Variants in SRCIN1 observed in about 807,000 individuals in gnomAD.
SRCIN1 encodes P130Cas-associated protein.
SRCIN1 carries 50 observed loss-of-function variants against 116.2 expected under a neutral mutation model. The ratio of observed to expected loss-of-function variants is 0.43; its 90% CI spans 0.34 to 0.54. SRCIN1 has a LOEUF of 0.54. SRCIN1 is among the 20% of genes least tolerant of loss of function. SRCIN1 has a pLI of 0.02. For synonymous variants in SRCIN1, 736 were observed against 750.0 expected, an observed-to-expected ratio of 0.98 and a Z score of 0.30; for missense variants, 1,446 against 1,672.0, an observed-to-expected ratio of 0.86 and a Z score of 2.36.
rs1905480912 is a variant in SRCIN1, at chr17:38,552,355, T to G, written c.2480+92A>C. ...AGTCCAGTCGGCACGCCAGTGACCT[T>G]TGGGGGAGTTGGGGTAAGGGTTCAG... On this transcript the variant is annotated intron_variant, in intron 13 of 18. Coordinates refer to ENST00000617146, the MANE Select transcript of SRCIN1 (RefSeq NM_025248.3). This position sits in a 1 kb window ranked among gnomAD's most constrained non-coding sequence, Gnocchi z 5.3. 8.8e-6 allele frequency: 13 copies of G among 1,483,594 alleles called. No homozygotes were observed. In the South Asian group the frequency reaches 1.4e-4, roughly 15 times the overall value. The allele number at this position is 1,483,594 out of a possible 1,614,324, so 91.9% of individuals were successfully genotyped here.
intron 1 of SRCIN1, among the ~76,000 whole-genome samples, chr17:38,593,029 C>T (rs1223566394): frequency 6.6e-6 from 1 of 152,092 alleles, no homozygotes. Context: ...GTTTGCTGCC[C>T]CCACAAGCAA....
At position 38,583,188 on chromosome 17, in the gene SRCIN1, T is replaced by C. The variant is rs556465159; in HGVS notation, c.23-4397A>G. Among the ~76,000 whole-genome samples, 305 of 152,248 alleles carry C rather than the reference T, an allele frequency of 2.0e-3. 3 individuals carry two copies. The highest frequency in any genetic ancestry group is 7.2e-3 in the African/African-American group (297 of 41,538). The stretch of plus-strand genomic sequence containing the variant: ...CTCAAGCTAGCCTCCAGCCTCAGTC[T>C]CTTGAGTAGCTGGGACCACAGGCAC... On this transcript the variant is annotated intron_variant, in intron 1 of 18. Transcript: ENST00000617146.
Position 38,533,384 on chromosome 17 carries a change from G to A in SRCIN1, c.3465C>T (p.Ser1155=). Reference sequence around the variant, plus strand: ...AAGCCGAGGGCTTTTCTGAGACTGGGCTCGAGGTCTCATTCGACCCGCTCA... The same window carrying A: ...AAGCCGAGGGCTTTTCTGAGACTGGACTCGAGGTCTCATTCGACCCGCTCA... ...KEMSGSNETS[S]PVSEKPSASR... The change falls in exon 19 of 19, where the codon AGC becomes AGT. Residue 1155 remains serine (S), a synonymous_variant. Transcript: ENST00000617146. The A allele has an allele frequency of 6.2e-7, 1 of 1,612,056 alleles. No individual in the cohort carries two copies. Among genetic ancestry groups the A allele is most frequent in the South Asian group, 1.1e-5 (1 of 90,398 alleles).
At chr17:38,605,583 C>A in intron 1 of SRCIN1, 101 bp downstream of exon 1, 1 of 978,912 alleles carries the variant, frequency 1.0e-6, no homozygotes, top group Non-Finnish European at 1.4e-6. Flanking sequence ...GCCCGGCCGC[C>A]GCCCCCGCCC....
At chr17:38,559,857 C>T in intron 9 of SRCIN1, 85 bp from the exon 10 acceptor site, 1 of 1,437,390 alleles carries the variant, frequency 7.0e-7, no homozygotes, top group Non-Finnish European at 9.3e-7. Flanking sequence ...TCCCTACTCT[C>T]CGACCCCACA....
chr17:38,550,268 G>T (rs1293646576), intron 15 of SRCIN1, among the ~76,000 whole-genome samples: 1 of 152,170 alleles, frequency 6.6e-6, no homozygotes, highest in African/African-American at 2.4e-5. Flanking sequence ...GCCAAGGTGG[G>T]CGGATCACGA....
intron 18 of SRCIN1, among the ~76,000 whole-genome samples, chr17:38,538,293 T>C (rs1904514295): frequency 6.7e-6 from 1 of 149,462 alleles, no homozygotes; most frequent in Non-Finnish European, 1.5e-5. Flanking sequence ...TGTGGGCACC[T>C]GTAATCCCAG....
At chr17:38,549,733 C>T (rs1360838614) in intron 15 of SRCIN1, among the ~76,000 whole-genome samples, 2 of 152,204 alleles carry the variant, frequency 1.3e-5, no homozygotes, top group Admixed American at 1.3e-4. Flanking sequence ...GTCACTCTAG[C>T]CATTCCCCTG....
chr17:38,606,714 C>T (rs1290971398), upstream of SRCIN1, among the ~76,000 whole-genome samples: 3 of 152,238 alleles, frequency 2.0e-5, no homozygotes, highest in Non-Finnish European at 4.4e-5. The surrounding 1 kb of genome is among the most constrained non-coding windows in gnomAD (Gnocchi z 5.2). Flanking sequence ...AGCTCGGCTC[C>T]ACCCTGCCGT....
At chr17:38,537,573 T>G in intron 18 of SRCIN1, among the ~76,000 whole-genome samples, 1 of 148,164 alleles carries the variant, frequency 6.7e-6, no homozygotes, top group East Asian at 2.0e-4. Context: ...GGGCGGATCA[T>G]GAGGTCAGGA....
intron 11 of SRCIN1, among the ~76,000 whole-genome samples, chr17:38,554,329 T>G (rs563536825): frequency 1.3e-5 from 2 of 152,302 alleles, no homozygotes; most frequent in African/African-American, 4.8e-5. Context: ...TTGTTTTCCG[T>G]GCTGCTGTAA....
chr17:38,576,151 C>A (rs1311369840), intron 2 of SRCIN1, among the ~76,000 whole-genome samples: 1 of 152,108 alleles, frequency 6.6e-6, no homozygotes, highest in Non-Finnish European at 1.5e-5. Flanking sequence ...CCCCTGGAAG[C>A]TCCACCCAGC....
chr17:38,541,837 C>G (rs1017410982), intron 18 of SRCIN1: 3 of 152,548 alleles, frequency 2.0e-5, no homozygotes, highest in Non-Finnish European at 4.4e-5. Context: ...GTAGTCTCAG[C>G]TGCTCGGGAG....
Position 38,533,102 on chromosome 17 carries a change from A to T in SRCIN1, c.*195T>A. On this transcript the variant is annotated 3_prime_UTR_variant, in exon 19 of 19. Coordinates refer to ENST00000617146, the MANE Select transcript of SRCIN1 (RefSeq NM_025248.3). The stretch of plus-strand genomic sequence containing the variant: ...TAATTAAAAGTTAATTGTTAAAAAA[A>T]AAAAAAAAAACAAAACCAAAAACAC... 1 of 420,792 alleles carries T rather than the reference A, an allele frequency of 2.4e-6. No individual in the cohort carries two copies. Among genetic ancestry groups the T allele is most frequent in the Non-Finnish European group, 3.8e-6 (1 of 265,060 alleles). 26.1% of individuals were successfully genotyped at this position (420,792 alleles called of 1,614,324 possible). A position where few individuals can be genotyped will look rare whatever the true frequency, so the allele number is the denominator to read the frequency against.
Position 38,561,722 on chromosome 17 carries a change from C to A in SRCIN1, c.1441G>T (p.Val481Leu). ...GGGGGACCTCCGGGGGGTGCTGCCA[C>A]GTCGGCCAGCTTCTGCGGTGACGAA... ...PPSSPQKLAD[V>L]AAPPGGPPPP... Residue 481 changes from valine to leucine, a missense_variant, in exon 7 of 19, where the codon GTG becomes TTG. Val to Leu is a conservative substitution (Grantham distance 32). This residue lies in a region of SRCIN1 where 398 missense variants were observed against 385.6 expected (regional missense o/e 1.03). Coordinates refer to ENST00000617146, the MANE Select transcript of SRCIN1 (RefSeq NM_025248.3). 4 of 1,527,070 alleles carry A rather than the reference C, an allele frequency of 2.6e-6. No individual in the cohort carries two copies. The highest frequency in any genetic ancestry group is 3.5e-6 in the Non-Finnish European group (4 of 1,143,170). 94.6% of individuals were successfully genotyped at this position (1,527,070 alleles called of 1,614,324 possible).
intron 1 of SRCIN1, among the ~76,000 whole-genome samples, chr17:38,596,609 T>C (rs1204294141): frequency 6.6e-6 from 1 of 152,080 alleles, no homozygotes; most frequent in Non-Finnish European, 1.5e-5. Context: ...GGAAGGTTGA[T>C]GGGTTCAGGG....
chr17:38,557,821 G>A (rs149973865), intron 11 of SRCIN1, among the ~76,000 whole-genome samples: 246 of 152,346 alleles, frequency 1.6e-3, no homozygotes, highest in South Asian at 3.3e-3. Context: ...CCAGGCTGGA[G>A]CAGTGACGGC....
Position 38,544,083 on chromosome 17 carries a change from A to G in SRCIN1, c.3271-114T>C, listed in dbSNP as rs952780116. ...GGGACCTCCTCAGTGGGGCCCTTTG[A>G]GACCTGGAGACCCCTCTCTAGCTCC... On this transcript the variant is annotated intron_variant, in intron 17 of 18. Transcript: ENST00000617146. This position sits in a 1 kb window ranked among gnomAD's most constrained non-coding sequence, Gnocchi z 4.5. 2.4e-6 allele frequency: 3 copies of G among 1,264,346 alleles called. No homozygotes were observed. The African/African-American group carries it at 4.5e-5, about 19-fold the overall frequency. The allele number at this position is 1,264,346 out of a possible 1,614,324, so 78.3% of individuals were successfully genotyped here. A position where few individuals can be genotyped will look rare whatever the true frequency, so the allele number is the denominator to read the frequency against.
chr17:38,552,707 C>A lies in SRCIN1; in HGVS notation c.2332+18G>T. On this transcript the variant is annotated intron_variant, in intron 12 of 18. Coordinates refer to ENST00000617146, the MANE Select transcript of SRCIN1 (RefSeq NM_025248.3). The surrounding 1 kb of genome is among the most constrained non-coding windows in gnomAD (Gnocchi z 5.3). ...CCCACCCTGAACAACGTGCTGCATT[C>A]GCAGGCCCCAGACCCACCCTTGAGC... is the stretch of plus-strand genomic sequence containing the variant. 3.7e-6 allele frequency: 6 copies of A among 1,613,202 alleles called. No homozygotes were observed. The highest frequency in any genetic ancestry group is 5.1e-6 in the Non-Finnish European group (6 of 1,179,516).
Sources: gnomAD v4.1 joint callset for allele counts (sites outside exome capture counted in the v4.1 genomes callset) on GRCh38, gnomAD v4.1.1 for gene constraint, gnomAD v4.1.1 regional missense constraint, Gnocchi (gnomAD v3.1) non-coding constraint, MANE v1.5 for transcripts, NCBI Gene and HGNC (gene_info 2026-07-23, HGNC 2026-07-21) for gene names.